ZFHX3: variants seen among roughly 807,000 people sequenced by gnomAD.
ZFHX3 encodes zinc finger homeobox protein 3.
A neutral mutation model predicts 279.1 loss-of-function variants in ZFHX3; 42 were observed. The observed-to-expected ratio is 0.15, with a 90% CI of 0.12 to 0.19. The LOEUF is 0.19. Among genes scored for constraint, ZFHX3 ranks in the 10% least tolerant of loss-of-function variants. The probability of loss-of-function intolerance (pLI) is 1.00; values close to 1 mark genes in which losing one functional copy is unlikely to be tolerated. For missense variants in ZFHX3, 4,981 were observed against 4,754.0 expected (o/e 1.05, Z -1.40); for synonymous variants, 2,293 against 1,957.8 (o/e 1.17, Z -4.52).
intron 2 of ZFHX3, among the ~76,000 whole-genome samples, chr16:73,641,652 T>G (rs1446559878): frequency 6.6e-6 from 1 of 152,070 alleles, no homozygotes; most frequent in Admixed American, 6.5e-5. Context: ...ATAGAAGCCC[T>G]TAGATGTATA....
chr16:73,038,335 C>G (rs968143461), intron 1 of ZFHX3, among the ~76,000 whole-genome samples: 18 of 152,342 alleles, frequency 1.2e-4, no homozygotes, highest in Admixed American at 5.2e-4. Context: ...CCTTCAGAAT[C>G]CGCTTCTCAG....
At chr16:73,853,471 ACACACACCATGGAATAC>A (rs148756795) in intron 1 of ZFHX3, among the ~76,000 whole-genome samples, 6,315 of 152,306 alleles carry the variant, frequency 0.041, 435 homozygotes, top group African/African-American at 0.14. Flanking sequence ...AATGTGGTAT[ACACACACCATGGAATAC>A]TACAGAGCCA....
chr16:73,671,542 T>C (rs988076442), intron 2 of ZFHX3, among the ~76,000 whole-genome samples: 1 of 152,208 alleles, frequency 6.6e-6, no homozygotes, highest in African/African-American at 2.4e-5. Context: ...GAAAAGGAAA[T>C]AGTGATATTA....
At chr16:73,844,830 C>T (rs114043383) in intron 1 of ZFHX3, among the ~76,000 whole-genome samples, 80 of 148,966 alleles carry the variant, frequency 5.4e-4, no homozygotes, top group African/African-American at 1.9e-3. Flanking sequence ...AGATGGTAGA[C>T]GGATGGATGG....
At chr16:73,211,085 T>C (rs1211104130) in intron 5 of ZFHX3, among the ~76,000 whole-genome samples, 1 of 152,158 alleles carries the variant, frequency 6.6e-6, no homozygotes. Context: ...ACATTCAAAG[T>C]CCACATCAGG....
intron 1 of ZFHX3, among the ~76,000 whole-genome samples, chr16:73,795,881 T>A (rs1200513083): frequency 6.6e-6 from 1 of 152,240 alleles, no homozygotes; most frequent in East Asian, 1.9e-4. Flanking sequence ...GATTTTGCCC[T>A]GTGCTGCTGG....
intron 2 of ZFHX3, among the ~76,000 whole-genome samples, chr16:73,559,641 C>T (rs557166034): frequency 2.0e-4 from 31 of 152,296 alleles, no homozygotes; most frequent in Non-Finnish European, 3.2e-4. Context: ...CTTTCACACA[C>T]GCTTCCTTGC....
At chr16:72,900,071 C>G (rs988433431) in intron 3 of ZFHX3, among the ~76,000 whole-genome samples, 13 of 137,062 alleles carry the variant, frequency 9.5e-5, no homozygotes, top group Non-Finnish European at 1.8e-4. Context: ...AAGTGCAAAA[C>G]TTGCCAAAGT....
chr16:73,524,213 C>T (rs1244363101), intron 2 of ZFHX3, among the ~76,000 whole-genome samples: 1 of 152,146 alleles, frequency 6.6e-6, no homozygotes, highest in Non-Finnish European at 1.5e-5. Flanking sequence ...GCAACACTGG[C>T]CATTTTTTAT....
chr16:73,334,810 C>CTTTTTTTTTTTTTTTTTTTTT lies in ZFHX3; in HGVS notation c.-1290-16495_-1290-16475dup, dbSNP rs368597124. Among the ~76,000 whole-genome samples the CTTTTTTTTTTTTTTTTTTTTT allele has an allele frequency of 7.4e-4, 43 of 57,916 alleles. 5 individuals carry two copies. Among genetic ancestry groups the CTTTTTTTTTTTTTTTTTTTTT allele is most frequent in the Non-Finnish European group, 1.2e-3 (35 of 29,186 alleles). 38.0% of individuals were successfully genotyped at this position (57,916 alleles called of 152,430 possible). On this transcript the variant is annotated intron_variant, in intron 3 of 17. Coordinates refer to the ZFHX3 transcript ENST00000641206. ...TCTTTTCCTCCTTTTCTTTCTCATT[C>CTTTTTTTTTTTTTTTTTTTTT]TTTTTTTTTTTTTTTTTTTTTTTTT...
chr16:73,292,905 A>G (rs2014810284), intron 4 of ZFHX3, among the ~76,000 whole-genome samples: 1 of 152,222 alleles, frequency 6.6e-6, no homozygotes, highest in Non-Finnish European at 1.5e-5. Context: ...TAGGGGACCT[A>G]CATTTTGAAG....
chr16:73,081,620 C>G (rs868081563), intron 8 of ZFHX3: 1 of 152,144 alleles, frequency 6.6e-6, no homozygotes, highest in Non-Finnish European at 1.5e-5. Context: ...TTTGTATTCT[C>G]TATTTCCCTG....
intron 4 of ZFHX3, among the ~76,000 whole-genome samples, chr16:72,884,363 A>T (rs977677460): frequency 3.9e-5 from 6 of 152,222 alleles, no homozygotes; most frequent in African/African-American, 1.4e-4. Flanking sequence ...CAAGTCTCTT[A>T]AATTCTGAAT....
At chr16:73,728,461 C>A (rs2053540561) in intron 1 of ZFHX3, among the ~76,000 whole-genome samples, 1 of 152,138 alleles carries the variant, frequency 6.6e-6, no homozygotes, top group East Asian at 1.9e-4. Flanking sequence ...AGAATAGTCC[C>A]ATCATTGTAA....
chr16:73,616,942 T>C (rs1482286993), intron 2 of ZFHX3, among the ~76,000 whole-genome samples: 1 of 152,206 alleles, frequency 6.6e-6, no homozygotes, highest in African/African-American at 2.4e-5. Flanking sequence ...TCAAGTCTGC[T>C]GTCACTTCTC....
At chr16:73,685,833 G>C (rs1312442747) in intron 1 of ZFHX3, among the ~76,000 whole-genome samples, 1 of 152,166 alleles carries the variant, frequency 6.6e-6, no homozygotes, top group Non-Finnish European at 1.5e-5. Flanking sequence ...TCTTTTATGA[G>C]CACCCGACAA....
chr16:72,844,096 C>T (rs930159551), intron 4 of ZFHX3, among the ~76,000 whole-genome samples: 2 of 152,156 alleles, frequency 1.3e-5, no homozygotes, highest in Non-Finnish European at 2.9e-5. Context: ...AGTACTGCTC[C>T]CAAATGGCTT....
At chr16:73,019,200 G>C (rs918054477) in intron 1 of ZFHX3, among the ~76,000 whole-genome samples, 1 of 152,212 alleles carries the variant, frequency 6.6e-6, no homozygotes, top group Admixed American at 6.5e-5. Flanking sequence ...AAAGTGGCCT[G>C]ATGCTGTTGA....
chr16:73,830,299 CT>C (rs1960957628), intron 1 of ZFHX3, among the ~76,000 whole-genome samples: 1 of 147,406 alleles, frequency 6.8e-6, no homozygotes, highest in Admixed American at 6.8e-5. Flanking sequence ...CCTGCGCCCA[CT>C]GTCTGGCACT....
Sources: allele counts gnomAD v4.1 joint callset (sites outside exome capture counted in the v4.1 genomes callset), GRCh38; gene constraint gnomAD v4.1.1; transcripts MANE v1.5; gene names NCBI Gene and HGNC (gene_info 2026-07-23, HGNC 2026-07-21).